CLNK: variants seen among roughly 807,000 people sequenced by gnomAD.
CLNK encodes cytokine dependent hematopoietic cell linker, also known as cytokine-dependent hematopoietic cell linker.
CLNK carries 74 observed loss-of-function variants against 68.6 expected under a neutral mutation model. The ratio of observed to expected loss-of-function variants is 1.08; its 90% CI spans 0.89 to 1.31. The LOEUF is 1.31. Among genes scored for constraint, CLNK ranks in the 50% most tolerant of loss-of-function variants. CLNK has a pLI of 0.00. For synonymous variants in CLNK, 198 were observed against 172.2 expected, an observed-to-expected ratio of 1.15 and a Z score of -1.17; for missense variants, 553 against 515.3, an observed-to-expected ratio of 1.07 and a Z score of -0.71.
chr4:10,549,782 A>C (rs765134376), intron 8 of CLNK, among the ~76,000 whole-genome samples: 191 of 152,354 alleles, frequency 1.3e-3, no homozygotes, highest in Middle Eastern at 6.8e-3. Context: ...GGACCCAAAC[A>C]GTTGTTCAAA....
chr4:10,536,049 C>T (rs546847593), intron 11 of CLNK, among the ~76,000 whole-genome samples: 1 of 152,140 alleles, frequency 6.6e-6, no homozygotes, highest in Non-Finnish European at 1.5e-5. Context: ...CAAGGCTTAG[C>T]TTTAAAAAAG....
At chr4:10,573,932 T>C (rs1377733013) in intron 4 of CLNK, among the ~76,000 whole-genome samples, 3 of 152,176 alleles carry the variant, frequency 2.0e-5, no homozygotes, top group Non-Finnish European at 1.5e-5. Flanking sequence ...TGCTTTTCTC[T>C]CTGACTACTC....
intron 7 of CLNK, among the ~76,000 whole-genome samples, chr4:10,561,930 A>G (rs1190226318): frequency 6.6e-6 from 1 of 152,162 alleles, no homozygotes; most frequent in Non-Finnish European, 1.5e-5. Context: ...CATTTAACCA[A>G]TATCTATGGA....
At chr4:10,700,830 C>T in the CLNK span, among the ~76,000 whole-genome samples, 8 of 151,970 alleles carry the variant, frequency 5.3e-5, no homozygotes, top group African/African-American at 1.2e-4. Context: ...ACACAAGTGC[C>T]GTTGTGAAAT....
chr4:10,593,276 G>A (rs1721251943), intron 3 of CLNK, among the ~76,000 whole-genome samples: 1 of 152,094 alleles, frequency 6.6e-6, no homozygotes, highest in African/African-American at 2.4e-5. Context: ...GCAGTCAGGA[G>A]AGCGGGCAGC....
the CLNK span, among the ~76,000 whole-genome samples, chr4:10,731,129 A>T: frequency 6.6e-6 from 1 of 152,234 alleles, no homozygotes; most frequent in Non-Finnish European, 1.5e-5. Context: ...AATTATTGTG[A>T]ACTATAGTCA....
At chr4:10,716,416 A>G in the CLNK span, among the ~76,000 whole-genome samples, 1 of 152,150 alleles carries the variant, frequency 6.6e-6, no homozygotes, top group Admixed American at 6.5e-5. Flanking sequence ...TTTTCCACTA[A>G]ATACAACTAA....
chr4:10,540,663 G>T, intron 10 of CLNK, 59 bp from the exon 11 acceptor site: 1 of 1,186,962 alleles, frequency 8.4e-7, no homozygotes, highest in Non-Finnish European at 1.3e-6. Context: ...GATGCCTCAG[G>T]CCCTGAATCC....
At chr4:10,627,802 T>G (rs1055894771) in intron 2 of CLNK, among the ~76,000 whole-genome samples, 2 of 152,188 alleles carry the variant, frequency 1.3e-5, no homozygotes, top group African/African-American at 4.8e-5. Context: ...CATTCTGGGC[T>G]ACAGACTGCC....
At chr4:10,718,933 T>C in the CLNK span, among the ~76,000 whole-genome samples, 1 of 152,070 alleles carries the variant, frequency 6.6e-6, no homozygotes, top group African/African-American at 2.4e-5. Flanking sequence ...CCATATTTTA[T>C]TTGAACTGGT....
intron 2 of CLNK, among the ~76,000 whole-genome samples, chr4:10,626,997 C>T (rs1039636506): frequency 6.6e-6 from 1 of 152,192 alleles, no homozygotes; most frequent in Admixed American, 6.5e-5. Context: ...CATGATACAG[C>T]CAGCCTCTGT....
At chr4:10,715,890 A>T in the CLNK span, among the ~76,000 whole-genome samples, 1 of 152,208 alleles carries the variant, frequency 6.6e-6, no homozygotes, top group Admixed American at 6.5e-5. Flanking sequence ...AGGAAAATGC[A>T]TTAAGAGCTC....
At chr4:10,721,452 C>G in the CLNK span, among the ~76,000 whole-genome samples, 1 of 152,160 alleles carries the variant, frequency 6.6e-6, no homozygotes, top group Admixed American at 6.5e-5. Flanking sequence ...ACATAATTCT[C>G]TCCCCAAGAA....
At chr4:10,717,979 G>A in the CLNK span, among the ~76,000 whole-genome samples, 1 of 152,054 alleles carries the variant, frequency 6.6e-6, no homozygotes, top group Non-Finnish European at 1.5e-5. Flanking sequence ...GAAAAAATAA[G>A]AGTCTTAGCA....
At chr4:10,712,291 C>A in the CLNK span, among the ~76,000 whole-genome samples, 7 of 152,082 alleles carry the variant, frequency 4.6e-5, no homozygotes, top group East Asian at 1.2e-3. Flanking sequence ...AAGTCCCCTG[C>A]AGTGGAGTAT....
At chr4:10,613,889 C>T (rs1457450407) in intron 2 of CLNK, among the ~76,000 whole-genome samples, 1 of 152,362 alleles carries the variant, frequency 6.6e-6, no homozygotes, top group East Asian at 1.9e-4. Context: ...TTGTCTTTGA[C>T]AACCTGCAGG....
At chr4:10,604,160 TA>T (rs1224497982) in intron 2 of CLNK, among the ~76,000 whole-genome samples, 1 of 152,212 alleles carries the variant, frequency 6.6e-6, no homozygotes, top group African/African-American at 2.4e-5. Flanking sequence ...TTCGTGATTA[TA>T]TTTATTCTCT....
rs185071856 is a variant in CLNK at position 10,610,949 on chromosome 4, C to T, written c.12-12900G>A. ...CTGTAATCCCAGCGATTTGGGAGGC[C>T]GAGGCAGGCGGATCACTTGAGGTCA... On this transcript the variant is annotated intron_variant, in intron 2 of 18. Transcript: ENST00000226951. Among the ~76,000 whole-genome samples, 13 of 152,054 alleles carry T rather than the reference C, an allele frequency of 8.5e-5. No homozygotes were observed. In the South Asian group the frequency reaches 1.9e-3, roughly 22 times the overall value.
rs1014168331 is a variant in CLNK, at chr4:10,486,395, T to C, written c.*4072A>G. On this transcript the variant is annotated 3_prime_UTR_variant, in exon 19 of 19. Coordinates refer to ENST00000226951, the MANE Select transcript of CLNK (RefSeq NM_052964.4). ...CAATACTCAGAGACAGAGAAAATTA[T>C]AACATTCAATTACATATTTACTTTT... 9.2e-5 allele frequency: 14 copies of C among 152,228 alleles called. No homozygotes were observed. Among genetic ancestry groups the C allele is most frequent in the African/African-American group, 3.1e-4 (13 of 41,454 alleles). 9.4% of individuals were successfully genotyped at this position (152,228 alleles called of 1,614,324 possible).
Sources: gnomAD v4.1 joint callset for allele counts (sites outside exome capture counted in the v4.1 genomes callset) on GRCh38, gnomAD v4.1.1 for gene constraint, MANE v1.5 for transcripts, NCBI Gene and HGNC (gene_info 2026-07-23, HGNC 2026-07-21) for gene names.